The following GALNT16 variants were observed in gnomAD, a reference collection of about 807,000 sequenced individuals.
GALNT16 encodes the protein polypeptide N-acetylgalactosaminyltransferase 16.
A neutral mutation model predicts 76.1 loss-of-function variants in GALNT16; 40 were observed. The ratio of observed to expected loss-of-function variants is 0.53; its 90% CI spans 0.41 to 0.68. The LOEUF is 0.68. Among genes scored for constraint, GALNT16 ranks in the 30% least tolerant of loss-of-function variants. The pLI is 0.00. For missense variants in GALNT16, 621 were observed against 731.9 expected (o/e 0.85, Z 1.75); for synonymous variants, 276 against 285.2 (o/e 0.97, Z 0.32).
the GALNT16 span, among the ~76,000 whole-genome samples, chr14:69,369,076 C>T: frequency 3.3e-5 from 5 of 152,114 alleles, no homozygotes; most frequent in South Asian, 4.1e-4. Context: ...TCATTTGTAA[C>T]GAGAGAATGA....
chr14:69,360,637 A>G (rs2045718573), downstream of GALNT16, among the ~76,000 whole-genome samples: 2 of 151,104 alleles, frequency 1.3e-5, no homozygotes, highest in Non-Finnish European at 2.9e-5. Context: ...GGAGAAGAAA[A>G]GAGAAGAGAG....
At chr14:69,357,527 A>G (rs952749778), downstream of GALNT16, 1 of 152,226 alleles carries the variant, frequency 6.6e-6, no homozygotes, top group African/African-American at 2.4e-5. Flanking sequence ...GCTAGGGACC[A>G]TTCCTCCAGG....
At chr14:69,305,382 C>T (rs2044918719) in intron 1 of GALNT16, among the ~76,000 whole-genome samples, 1 of 152,022 alleles carries the variant, frequency 6.6e-6, no homozygotes, top group Non-Finnish European at 1.5e-5. Flanking sequence ...AGGCTGGTCT[C>T]GAACTCCTGA....
the GALNT16 span, among the ~76,000 whole-genome samples, chr14:69,365,496 CATT>C: frequency 1.3e-5 from 2 of 152,124 alleles, no homozygotes; most frequent in Non-Finnish European, 2.9e-5. Context: ...AGCTGGAGGT[CATT>C]ATTCTCAGCA....
chr14:69,336,214 A>T lies in GALNT16; in HGVS notation c.968-2437A>T, dbSNP rs1191349354. Among the ~76,000 whole-genome samples the T allele has an allele frequency of 1.3e-5, 2 of 152,062 alleles. 1 individual carries two copies. The highest frequency in any genetic ancestry group is 4.8e-5 in the African/African-American group (2 of 41,374). ...ACTCTCTGCCTCCAGGGTTCAAGCG[A>T]TTCTCCTGCCTCAGCCTTCTGAGTA... On this transcript the variant is annotated intron_variant, in intron 9 of 14. Transcript: ENST00000448469.
At chr14:69,317,016 G>A (rs926228204) in intron 1 of GALNT16, among the ~76,000 whole-genome samples, 13 of 152,154 alleles carry the variant, frequency 8.5e-5, no homozygotes, top group Non-Finnish European at 1.6e-4. Context: ...AAGCACAAAT[G>A]TCAGTGTCAT....
the GALNT16 span, among the ~76,000 whole-genome samples, chr14:69,364,325 A>G: frequency 6.6e-6 from 1 of 152,218 alleles, no homozygotes; most frequent in South Asian, 2.1e-4. The surrounding 1 kb of genome is among the most constrained non-coding windows in gnomAD (Gnocchi z 4.2). Context: ...GAGACACAGC[A>G]TTTGCAAGTG....
At chr14:69,360,769 GC>G (rs1230944016), downstream of GALNT16, among the ~76,000 whole-genome samples, 1 of 152,268 alleles carries the variant, frequency 6.6e-6, no homozygotes, top group African/African-American at 2.4e-5. Flanking sequence ...GGTGGGGCCA[GC>G]CCTCTGAGTT....
the GALNT16 span, among the ~76,000 whole-genome samples, chr14:69,376,599 T>C: frequency 6.6e-6 from 1 of 151,850 alleles, no homozygotes; most frequent in African/African-American, 2.4e-5. Flanking sequence ...GGTAACCACT[T>C]AGGGCCATGC....
chr14:69,362,190 C>T, the GALNT16 span, among the ~76,000 whole-genome samples: 1 of 152,182 alleles, frequency 6.6e-6, no homozygotes, highest in Non-Finnish European at 1.5e-5. Flanking sequence ...GCCTGAGGGC[C>T]CAGGGCTATG....
chr14:69,269,810 T>TGTGTGTGTGTG (rs556443351), intron 1 of GALNT16, among the ~76,000 whole-genome samples: 16 of 144,592 alleles, frequency 1.1e-4, no homozygotes, highest in African/African-American at 4.2e-4. Flanking sequence ...ATTTGTGTGT[T>TGTGTGTGTGTG]TGTGTGTGTG....
At chr14:69,272,418 A>G (rs1410245665) in intron 1 of GALNT16, among the ~76,000 whole-genome samples, 1 of 152,178 alleles carries the variant, frequency 6.6e-6, no homozygotes, top group Non-Finnish European at 1.5e-5. Flanking sequence ...TGTCCAAGGA[A>G]GGTTATACAG....
At chr14:69,358,647 T>G (rs536293020), downstream of GALNT16, 9 of 152,842 alleles carry the variant, frequency 5.9e-5, no homozygotes, top group South Asian at 2.1e-4. Flanking sequence ...TTGGCAGTGC[T>G]TAGAGCTCCG....
At chr14:69,315,149 G>A (rs1438455617) in intron 1 of GALNT16, among the ~76,000 whole-genome samples, 2 of 152,088 alleles carry the variant, frequency 1.3e-5, no homozygotes, top group Non-Finnish European at 2.9e-5. Context: ...GAAGCAATAA[G>A]CAAATCTAGC....
intron 1 of GALNT16, among the ~76,000 whole-genome samples, chr14:69,300,259 TC>T (rs2044832350): frequency 1.3e-5 from 2 of 152,202 alleles, no homozygotes; most frequent in South Asian, 4.1e-4. Context: ...CACAGACACA[TC>T]CCTGTCCACA....
intron 5 of GALNT16, among the ~76,000 whole-genome samples, chr14:69,327,373 A>G (rs1268043652): frequency 6.6e-6 from 1 of 152,164 alleles, no homozygotes; most frequent in Non-Finnish European, 1.5e-5. Flanking sequence ...AAAGAAAGAA[A>G]GAAAGAAAGA....
chr14:69,270,814 G>C (rs1026453889), intron 1 of GALNT16, among the ~76,000 whole-genome samples: 2 of 152,208 alleles, frequency 1.3e-5, no homozygotes, highest in Non-Finnish European at 2.9e-5. Context: ...CAGGGATGAG[G>C]GGAAGTGCAG....
intron 1 of GALNT16, among the ~76,000 whole-genome samples, chr14:69,290,418 C>T (rs1400334327): frequency 6.6e-6 from 1 of 152,214 alleles, no homozygotes; most frequent in African/African-American, 2.4e-5. Flanking sequence ...CTGCCTGCAG[C>T]TGGGAACAGC....
intron 9 of GALNT16, among the ~76,000 whole-genome samples, chr14:69,335,910 C>A (rs1026830947): frequency 6.6e-6 from 1 of 152,140 alleles, no homozygotes; most frequent in African/African-American, 2.4e-5. Context: ...GGATCCCCAA[C>A]AAAGATGTGT....
Sources: allele counts gnomAD v4.1 joint callset (sites outside exome capture counted in the v4.1 genomes callset), GRCh38; gene constraint gnomAD v4.1.1; non-coding constraint Gnocchi (gnomAD v3.1); transcripts MANE v1.5; gene names NCBI Gene and HGNC (gene_info 2026-07-23, HGNC 2026-07-21).